PDE11A: variants seen among roughly 807,000 people sequenced by gnomAD.
PDE11A encodes the protein phosphodiesterase 11A.
Under a neutral mutation model 100.5 loss-of-function variants are expected in PDE11A, and 100 were observed. That is an observed-to-expected ratio of 1.00 (90% CI 0.85 to 1.18). PDE11A has a LOEUF of 1.18. Among genes scored for constraint, PDE11A ranks in the 50% most tolerant of loss-of-function variants. PDE11A has a pLI of 0.00. For missense variants in PDE11A, 1,141 were observed against 1,152.6 expected (o/e 0.99, Z 0.15); for synonymous variants, 381 against 420.8 (o/e 0.91, Z 1.16).
rs1276296588 is a variant in PDE11A, at chr2:177,701,186, A to C, written c.2179T>G (p.Tyr727Asp). 4 of 1,602,778 alleles carry C rather than the reference A, an allele frequency of 2.5e-6. No individual in the cohort carries two copies. The highest frequency in any genetic ancestry group is 3.4e-6 in the Non-Finnish European group (4 of 1,169,810). The change falls in exon 14 of 20, where the codon TAT becomes GAT. Residue 727 changes from tyrosine (Y) to aspartate (D), a missense_variant. Transcript: ENST00000286063. ...AKSGSALAQL[Y>D]GTSATLEHHH... ...TGCTCCAAGGTAGCAGAGGTTCCATAGAGTTGGGCCAGGGCAGAGCCACTC... is the reference window on the plus strand; with the variant it reads ...TGCTCCAAGGTAGCAGAGGTTCCATCGAGTTGGGCCAGGGCAGAGCCACTC...
chr2:177,732,291 G>T (rs1201688105), intron 10 of PDE11A, among the ~76,000 whole-genome samples: 1 of 152,204 alleles, frequency 6.6e-6, no homozygotes, highest in African/African-American at 2.4e-5. Flanking sequence ...ATGTGTTTGA[G>T]GGTTTGTAAA....
At chr2:177,935,873 G>A (rs2085266256) in intron 2 of PDE11A, among the ~76,000 whole-genome samples, 1 of 152,186 alleles carries the variant, frequency 6.6e-6, no homozygotes, top group African/African-American at 2.4e-5. Flanking sequence ...ATGTCAGAAA[G>A]ACCAGAATAC....
chr2:177,767,733 T>C (rs1338634544), intron 10 of PDE11A, among the ~76,000 whole-genome samples: 4 of 152,208 alleles, frequency 2.6e-5, no homozygotes, highest in Non-Finnish European at 4.4e-5. Flanking sequence ...TCTAGAACCA[T>C]TGGTGCTCTT....
At position 178,012,266 on chromosome 2, in the gene PDE11A, T is replaced by A. The variant is rs370423433; in HGVS notation, c.1071+2036A>T. Reference sequence around the variant, plus strand: ...ACTACAGAAGAGAAAAATATATCATTTCAAGCTAGAAAATATTCAGATAAG... The same window carrying A: ...ACTACAGAAGAGAAAAATATATCATATCAAGCTAGAAAATATTCAGATAAG... On this transcript the variant is annotated intron_variant, in intron 2 of 19. Coordinates refer to ENST00000286063, the MANE Select transcript of PDE11A (RefSeq NM_016953.4). Among the ~76,000 whole-genome samples the A allele has an allele frequency of 2.5e-3, 373 of 152,194 alleles. 2 individuals are homozygous for A. Among genetic ancestry groups the A allele is most frequent in the African/African-American group, 8.4e-3 (347 of 41,534 alleles).
At chr2:177,968,919 T>C (rs1204515268) in intron 2 of PDE11A, among the ~76,000 whole-genome samples, 1 of 152,226 alleles carries the variant, frequency 6.6e-6, no homozygotes, top group Non-Finnish European at 1.5e-5. Context: ...CATTACTGGG[T>C]ATATGTCCAA....
chr2:177,724,370 C>T (rs1411819113), intron 12 of PDE11A, among the ~76,000 whole-genome samples: 1 of 151,818 alleles, frequency 6.6e-6, no homozygotes, highest in Non-Finnish European at 1.5e-5. Flanking sequence ...GTTACCTACA[C>T]ATGAACCTGA....
intron 18 of PDE11A, among the ~76,000 whole-genome samples, chr2:177,668,233 T>A (rs535978728): frequency 1.3e-5 from 2 of 152,336 alleles, no homozygotes; most frequent in South Asian, 4.1e-4. Flanking sequence ...AATTTACTCA[T>A]ATTTTTTTCA....
intron 14 of PDE11A, among the ~76,000 whole-genome samples, chr2:177,700,402 C>A (rs1485295972): frequency 1.2e-4 from 18 of 145,126 alleles, no homozygotes; most frequent in African/African-American, 4.7e-4. Flanking sequence ...TTCCTGGCCT[C>A]AAAAAAAAAA....
At chr2:177,686,081 C>T (rs1331446626) in intron 15 of PDE11A, among the ~76,000 whole-genome samples, 1 of 152,124 alleles carries the variant, frequency 6.6e-6, no homozygotes. Flanking sequence ...TGAGAGGAGC[C>T]TTTTCATTGG....
chr2:177,802,720 G>A (rs979903871), intron 9 of PDE11A, among the ~76,000 whole-genome samples: 2 of 151,846 alleles, frequency 1.3e-5, no homozygotes, highest in Non-Finnish European at 2.9e-5. Flanking sequence ...GGAGCAAAAG[G>A]GAACTTTCTG....
At chr2:177,696,808 G>A (rs530811207) in intron 15 of PDE11A, among the ~76,000 whole-genome samples, 2 of 152,246 alleles carry the variant, frequency 1.3e-5, no homozygotes, top group South Asian at 2.1e-4. Flanking sequence ...GAGAGATGGC[G>A]CCTGATAGAG....
chr2:177,800,189 T>G (rs1259762897), intron 9 of PDE11A, among the ~76,000 whole-genome samples: 1 of 151,832 alleles, frequency 6.6e-6, no homozygotes, highest in Non-Finnish European at 1.5e-5. Context: ...TTTTCTTTTT[T>G]TTTTTTGAAA....
intron 6 of PDE11A, among the ~76,000 whole-genome samples, chr2:177,833,942 G>T (rs189580303): frequency 6.6e-6 from 1 of 152,188 alleles, no homozygotes; most frequent in South Asian, 2.1e-4. Context: ...GCAGACTAGA[G>T]GCCCACATGC....
At chr2:177,919,813 GA>G (rs1455536579) in intron 2 of PDE11A, among the ~76,000 whole-genome samples, 1 of 151,974 alleles carries the variant, frequency 6.6e-6, no homozygotes, top group Non-Finnish European at 1.5e-5. Flanking sequence ...AAATTCAAAT[GA>G]AGTGAAAAAT....
chr2:178,019,236 T>C (rs1018617605), intron 1 of PDE11A, among the ~76,000 whole-genome samples: 3 of 152,342 alleles, frequency 2.0e-5, no homozygotes, highest in South Asian at 2.1e-4. Flanking sequence ...CTCACACTAC[T>C]AATTTCTAAA....
chr2:177,942,498 A>G (rs1187411326), intron 2 of PDE11A, among the ~76,000 whole-genome samples: 1 of 151,204 alleles, frequency 6.6e-6, no homozygotes, highest in Non-Finnish European at 1.5e-5. Context: ...TGCCTTCCAG[A>G]TTCAAGTGAT....
At chr2:177,852,833 A>G (rs2083738601) in intron 5 of PDE11A, among the ~76,000 whole-genome samples, 1 of 152,180 alleles carries the variant, frequency 6.6e-6, no homozygotes, top group Non-Finnish European at 1.5e-5. Flanking sequence ...ATTTATCATG[A>G]TCTGTTAGTG....
chr2:178,043,026 T>C (rs1326946319), intron 1 of PDE11A, among the ~76,000 whole-genome samples: 1 of 152,190 alleles, frequency 6.6e-6, no homozygotes, highest in South Asian at 2.1e-4. Context: ...AGGATAAAAA[T>C]AAATCATTTG....
intron 19 of PDE11A, among the ~76,000 whole-genome samples, chr2:177,631,459 C>A (rs1209837228): frequency 1.8e-5 from 2 of 110,306 alleles, no homozygotes; most frequent in Admixed American, 1.1e-4. Flanking sequence ...CCAGCCTGGG[C>A]AACAGAGTGA....
Sources: allele counts gnomAD v4.1 joint callset (sites outside exome capture counted in the v4.1 genomes callset), GRCh38; gene constraint gnomAD v4.1.1; transcripts MANE v1.5; gene names NCBI Gene and HGNC (gene_info 2026-07-23, HGNC 2026-07-21).